Variants in FOXP1 observed in about 807,000 individuals in gnomAD.
FOXP1 encodes the protein forkhead box P1.
FOXP1 carries 15 observed loss-of-function variants against 98.2 expected under a neutral mutation model. The ratio of observed to expected loss-of-function variants is 0.15; its 90% CI spans 0.10 to 0.24. The LOEUF (loss-of-function observed/expected upper bound fraction) is 0.24, where lower values mean the gene tolerates loss of function less well. FOXP1 is among the 10% of genes least tolerant of loss of function. The pLI is 1.00. For missense variants in FOXP1, 633 were observed against 848.5 expected (o/e 0.75, Z 3.15); for synonymous variants, 371 against 314.5 (o/e 1.18, Z -1.90).
intron 7 of FOXP1, among the ~76,000 whole-genome samples, chr3:71,055,651 T>C (rs1282822354): frequency 6.6e-6 from 1 of 152,234 alleles, no homozygotes; most frequent in African/African-American, 2.4e-5. Flanking sequence ...TAGTCTACTT[T>C]GTCTTCATAC....
chr3:71,327,371 C>T (rs1576988761), intron 4 of FOXP1, among the ~76,000 whole-genome samples: 1 of 3,158 alleles, frequency 3.2e-4, no homozygotes, highest in African/African-American at 3.3e-4. Flanking sequence ...TGTGCATCAC[C>T]ACCATGTCCA....
At chr3:71,465,984 C>G (rs1373486572) in intron 3 of FOXP1, among the ~76,000 whole-genome samples, 2 of 152,162 alleles carry the variant, frequency 1.3e-5, no homozygotes, top group Non-Finnish European at 2.9e-5. Flanking sequence ...ACCACTACCC[C>G]CAACCCCTCG....
intron 3 of FOXP1, among the ~76,000 whole-genome samples, chr3:71,377,387 T>C (rs1024478660): frequency 1.3e-5 from 2 of 152,316 alleles, no homozygotes; most frequent in South Asian, 2.1e-4. Flanking sequence ...GTAAAGGAAA[T>C]ATTACTTTGA....
chr3:71,455,496 A>G (rs2108514715), intron 3 of FOXP1, among the ~76,000 whole-genome samples: 1 of 152,330 alleles, frequency 6.6e-6, no homozygotes, highest in Non-Finnish European at 1.5e-5. Flanking sequence ...CTAAATTTAA[A>G]TGTTTAAGAA....
At chr3:70,972,804 T>TGGAGGACCTTCTCATGGTTAA in intron 17 of FOXP1, 128 bp from the exon 18 acceptor site, 1 of 858,108 alleles carries the variant, frequency 1.2e-6, no homozygotes, top group Non-Finnish European at 1.8e-6. Flanking sequence ...ACCACCCCCG[T>TGGAGGACCTTCTCATGGTTAA]GGAGGACCTT....
chr3:71,339,284 G>C (rs1466219201), intron 4 of FOXP1, among the ~76,000 whole-genome samples: 1 of 152,216 alleles, frequency 6.6e-6, no homozygotes, highest in Non-Finnish European at 1.5e-5. Flanking sequence ...CTAGTTCACT[G>C]ACATAAATAA....
intron 5 of FOXP1, among the ~76,000 whole-genome samples, chr3:71,243,746 G>A (rs1055879797): frequency 6.6e-6 from 1 of 152,088 alleles, no homozygotes; most frequent in Non-Finnish European, 1.5e-5. Context: ...ATTTGCACTT[G>A]TTTTCAATTA....
Position 71,232,888 on chromosome 3 carries a change from A to AAAAAAAAAAAAAAAAAAAAC in FOXP1, c.-11-34497_-11-34496insGTTTTTTTTTTTTTTTTTTT, listed in dbSNP as rs2066429481. Reference sequence around the variant, plus strand: ...GCAAAACTCTGTCTCAAAAAAAAAAAAAAAAAAAGCAAGAAAAATGGGGAC... The same window carrying AAAAAAAAAAAAAAAAAAAAC: ...GCAAAACTCTGTCTCAAAAAAAAAAAAAAAAAAAAAAAAAAAAAACAAAAAAAAGCAAGAAAAATGGGGAC... On this transcript the variant is annotated intron_variant, in intron 5 of 20. Coordinates refer to ENST00000649528, the MANE Select transcript of FOXP1 (RefSeq NM_001349338.3). 2.7e-5 allele frequency among the ~76,000 whole-genome samples: 4 copies of AAAAAAAAAAAAAAAAAAAAC among 146,422 alleles called. 1 individual carries two copies. Among genetic ancestry groups the AAAAAAAAAAAAAAAAAAAAC allele is most frequent in the Non-Finnish European group, 3.0e-5 (2 of 66,510 alleles).
intron 2 of FOXP1, among the ~76,000 whole-genome samples, chr3:71,554,085 C>T (rs1239336629): frequency 6.6e-6 from 1 of 152,154 alleles, no homozygotes; most frequent in Non-Finnish European, 1.5e-5. Context: ...CAGCGGCTCA[C>T]ACCTATAATC....
intron 3 of FOXP1, among the ~76,000 whole-genome samples, chr3:71,430,152 G>C (rs1252501648): frequency 6.6e-6 from 1 of 152,074 alleles, no homozygotes; most frequent in Admixed American, 6.6e-5. Context: ...TTTTTTACAG[G>C]CTCCCTCCTG....
At chr3:71,138,031 G>A (rs144640593) in intron 6 of FOXP1, among the ~76,000 whole-genome samples, 1 of 152,094 alleles carries the variant, frequency 6.6e-6, no homozygotes, top group Non-Finnish European at 1.5e-5. Flanking sequence ...GAACTGTGGA[G>A]AGCCTCTCAG....
At chr3:71,418,427 A>G (rs2083383616) in intron 3 of FOXP1, among the ~76,000 whole-genome samples, 1 of 152,182 alleles carries the variant, frequency 6.6e-6, no homozygotes. Context: ...ATTTTCCCTC[A>G]TGGGCTCCAT....
At chr3:71,163,638 T>C (rs2061254511) in intron 6 of FOXP1, among the ~76,000 whole-genome samples, 1 of 152,174 alleles carries the variant, frequency 6.6e-6, no homozygotes, top group Admixed American at 6.5e-5. Flanking sequence ...AACTCGATAT[T>C]TTCTCACATT....
intron 3 of FOXP1, among the ~76,000 whole-genome samples, chr3:71,465,669 C>A (rs1417630275): frequency 6.6e-6 from 1 of 152,128 alleles, no homozygotes. Context: ...TGGAGGTGCT[C>A]TAAGAGTTTA....
At chr3:71,529,517 C>T (rs990099657) in intron 2 of FOXP1, among the ~76,000 whole-genome samples, 1 of 152,188 alleles carries the variant, frequency 6.6e-6, no homozygotes, top group Non-Finnish European at 1.5e-5. Flanking sequence ...AGCCAGTTGC[C>T]AGGGAAACCA....
chr3:71,511,421 C>A (rs1398603137), intron 2 of FOXP1, among the ~76,000 whole-genome samples: 3 of 151,946 alleles, frequency 2.0e-5, no homozygotes, highest in African/African-American at 7.3e-5. Context: ...TTGGGGCATT[C>A]CATGTGGAAT....
chr3:71,356,238 A>AT, intron 4 of FOXP1, among the ~76,000 whole-genome samples: 1 of 151,306 alleles, frequency 6.6e-6, no homozygotes, highest in African/African-American at 2.4e-5. Context: ...AAAAAAAGGA[A>AT]TAAAAAAAGA....
chr3:71,299,840 C>G lies in FOXP1; in HGVS notation c.-32G>C, dbSNP rs1234343425. The stretch of plus-strand genomic sequence containing the variant: ...TTTACCTTTTTTGGCTTCTGTAAAG[C>G]AATCTTCAGTTATAGTCACCTCAAA... On this transcript the variant is annotated 5_prime_UTR_variant, in exon 5 of 21. Transcript: ENST00000649528. The G allele has an allele frequency of 6.6e-6, 1 of 152,644 alleles. No individual in the cohort carries two copies. Among genetic ancestry groups the G allele is most frequent in the Non-Finnish European group, 1.5e-5 (1 of 68,044 alleles). The allele number at this position is 152,644 out of a possible 1,614,324, so 9.5% of individuals were successfully genotyped here.
At chr3:71,047,119 A>C in intron 9 of FOXP1, 24 bp from the exon 10 acceptor site, 1 of 1,613,832 alleles carries the variant, frequency 6.2e-7, no homozygotes, top group Non-Finnish European at 8.5e-7. Flanking sequence ...GGAAGAAAAA[A>C]TGAGATGGCC....
Sources: gnomAD v4.1 joint callset for allele counts (sites outside exome capture counted in the v4.1 genomes callset) on GRCh38, gnomAD v4.1.1 for gene constraint, MANE v1.5 for transcripts, NCBI Gene and HGNC (gene_info 2026-07-23, HGNC 2026-07-21) for gene names.